The following KDM3A variants were observed in gnomAD, a reference collection of about 807,000 sequenced individuals.
KDM3A encodes lysine-specific demethylase 3A.
A neutral mutation model predicts 158.0 loss-of-function variants in KDM3A; 60 were observed. The ratio of observed to expected loss-of-function variants is 0.38; its 90% CI spans 0.31 to 0.47. The LOEUF (loss-of-function observed/expected upper bound fraction) is 0.47. Among genes scored for constraint, KDM3A ranks in the 20% least tolerant of loss-of-function variants. The probability of loss-of-function intolerance (pLI) is 0.99; values close to 1 mark genes in which losing one functional copy is unlikely to be tolerated. For synonymous variants in KDM3A, 608 were observed against 549.3 expected, an observed-to-expected ratio of 1.11 and a Z score of -1.49; for missense variants, 1,319 against 1,574.3, an observed-to-expected ratio of 0.84 and a Z score of 2.74.
chr2:86,465,459 T>C (rs1673095084), intron 9 of KDM3A, among the ~76,000 whole-genome samples: 2 of 152,070 alleles, frequency 1.3e-5, no homozygotes, highest in Admixed American at 6.6e-5. Flanking sequence ...GCAGTTGCAG[T>C]GGTACAGTCA....
At chr2:86,463,362 G>A (rs1299008386) in intron 8 of KDM3A, among the ~76,000 whole-genome samples, 2 of 152,112 alleles carry the variant, frequency 1.3e-5, no homozygotes, top group African/African-American at 2.4e-5. Context: ...TTTTTATGGT[G>A]GGAAGTTTAT....
chr2:86,489,686 A>G (rs1674360646), intron 23 of KDM3A, 27 bp downstream of exon 23: 1 of 1,593,890 alleles, frequency 6.3e-7, no homozygotes, highest in Admixed American at 1.8e-5. Flanking sequence ...ATGTGTGAAC[A>G]GAGGCATAAG....
At chr2:86,441,742 C>T (rs1286339646) in intron 1 of KDM3A, among the ~76,000 whole-genome samples, 1 of 150,984 alleles carries the variant, frequency 6.6e-6, no homozygotes, top group Non-Finnish European at 1.5e-5. Context: ...CCACTCGAGC[C>T]GCAGATAATT....
chr2:86,464,306 G>GATAAA, intron 9 of KDM3A, 90 bp downstream of exon 9: 4 of 1,013,968 alleles, frequency 3.9e-6, no homozygotes, highest in Non-Finnish European at 4.1e-6. Context: ...GTTGTCCAGG[G>GATAAA]AGGTTTTTCG....
In KDM3A at chr2:86,482,663, A is replaced by G. The variant is rs768948904; in HGVS notation, c.2891A>G (p.Asn964Ser). ...LQDPNNKSNW[N>S]VFRECWKQGQ... ...GACCCCAACAATAAGAGCAACTGGA[A>G]TGTGTTTAGGGAGTGCTGGAAACAA... The change falls in exon 18 of 26, where the codon AAT (asparagine) becomes AGT (serine). Residue 964 changes from asparagine (N) to serine (S), a missense_variant. This residue lies in a region of KDM3A where 368 missense variants were observed against 415.8 expected (regional missense o/e 0.89). Transcript: ENST00000312912. 11 of 1,613,976 alleles carry G rather than the reference A, an allele frequency of 6.8e-6. No homozygotes were observed. Among genetic ancestry groups the G allele is most frequent in the Non-Finnish European group, 9.3e-6 (11 of 1,180,012 alleles).
chr2:86,440,166 G>A (rs1347630801), upstream of KDM3A, among the ~76,000 whole-genome samples: 3 of 132,124 alleles, frequency 2.3e-5, no homozygotes, highest in Non-Finnish European at 3.2e-5. Context: ...ATGGTCTACA[G>A]ATTATAAATC....
chr2:86,461,321 A>G (rs1454808162), intron 8 of KDM3A, among the ~76,000 whole-genome samples: 2 of 152,130 alleles, frequency 1.3e-5, no homozygotes, highest in Non-Finnish European at 2.9e-5. Context: ...CCCTCCTTCC[A>G]ACAAGTATTT....
chr2:86,481,304 T>G (rs529698294), intron 16 of KDM3A, among the ~76,000 whole-genome samples: 5 of 152,238 alleles, frequency 3.3e-5, no homozygotes, highest in South Asian at 2.1e-4. Flanking sequence ...TGGAGTGCAG[T>G]GGCATGATCT....
intron 11 of KDM3A, among the ~76,000 whole-genome samples, chr2:86,471,553 AACTC>A (rs1462332051): frequency 6.6e-6 from 1 of 152,158 alleles, no homozygotes; most frequent in Non-Finnish European, 1.5e-5. Flanking sequence ...AGGTTGGACT[AACTC>A]TAATCATAAA....
intron 5 of KDM3A, among the ~76,000 whole-genome samples, chr2:86,455,439 G>A (rs1672649186): frequency 6.6e-6 from 1 of 151,744 alleles, no homozygotes; most frequent in Non-Finnish European, 1.5e-5. Flanking sequence ...TTTTAGTAGA[G>A]ACAAGATTTC....
intron 11 of KDM3A, 60 bp from the exon 12 acceptor site, chr2:86,474,716 T>C: frequency 1.4e-6 from 1 of 729,388 alleles, no homozygotes; most frequent in Non-Finnish European, 2.4e-6. Context: ...TGTGTGTGTG[T>C]GTGTGTGTGT....
intron 21 of KDM3A, 44 bp downstream of exon 21, chr2:86,485,903 CA>C (rs758172866): frequency 2.6e-5 from 41 of 1,583,658 alleles, no homozygotes; most frequent in Non-Finnish European, 2.9e-5. Context: ...TAAAACAATT[CA>C]AAATGTTTGG....
At position 86,490,805 on chromosome 2, in the gene KDM3A, A is replaced by G. The variant is rs140723408; in HGVS notation, c.3574-76A>G. On this transcript the variant is annotated intron_variant, in intron 23 of 25. Transcript: ENST00000312912. ...GGCCTGACATTTATGAACTGCCAAC[A>G]CTGTTTAGAGGAAAAAAATGGCTTA... 4.7e-4 allele frequency: 529 copies of G among 1,117,818 alleles called. 5 individuals carry two copies. In the African/African-American group the frequency reaches 7.6e-3, roughly 16 times the overall value. The allele number at this position is 1,117,818 out of a possible 1,614,324, so 69.2% of individuals were successfully genotyped here.
rs1393643556 is a variant in KDM3A at position 86,482,621 on chromosome 2, G to A, written c.2849G>A (p.Arg950His). The A allele has an allele frequency of 6.2e-7, 1 of 1,613,824 alleles. No individual in the cohort carries two copies. The highest frequency in any genetic ancestry group is 8.5e-7 in the Non-Finnish European group (1 of 1,179,984). The change falls in exon 18 of 26, where the codon CGC becomes CAC. Residue 950 changes from arginine to histidine, a missense_variant. Around this residue, in one of 4 missense-constraint regions of KDM3A, gnomAD observed 368 missense variants for 415.8 expected, o/e 0.89. Transcript: ENST00000312912. The part of the protein sequence containing the change: ...DTPHYWLCDN[R>H]LLCLQDPNNK... ...CCTCACTATTGGCTTTGTGATAATC[G>A]CTTGCTGTGCTTGCAAGACCCCAAC... is the stretch of plus-strand genomic sequence containing the variant.
Position 86,445,730 on chromosome 2 carries a change from T to C in KDM3A, c.186+3497T>C, listed in dbSNP as rs538933046. ...TAATGTTAGTGCAATCTGCTGCCAGTCAAGCCATGTAAAATGAAAAAACTT... is the reference window on the plus strand; with the variant it reads ...TAATGTTAGTGCAATCTGCTGCCAGCCAAGCCATGTAAAATGAAAAAACTT... On this transcript the variant is annotated intron_variant, in intron 2 of 25. Transcript: ENST00000312912. Among the ~76,000 whole-genome samples the C allele has an allele frequency of 1.1e-3, 164 of 152,320 alleles. 1 individual carries two copies. The highest frequency in any genetic ancestry group is 3.8e-3 in the African/African-American group (156 of 41,572).
intron 11 of KDM3A, among the ~76,000 whole-genome samples, chr2:86,471,283 A>G (rs113822760): frequency 0.15 from 20,185 of 136,100 alleles, 1,469 homozygotes; most frequent in African/African-American, 0.18. Flanking sequence ...ATATGTGTGT[A>G]TATATGTATA....
intron 1 of KDM3A, 109 bp from the exon 2 acceptor site, chr2:86,441,909 G>A: frequency 2.4e-6 from 2 of 821,892 alleles, no homozygotes; most frequent in East Asian, 3.3e-5. Flanking sequence ...TCCGCCCGGG[G>A]CCGCGTCCTC....
In KDM3A at chr2:86,484,198, AAGG is replaced by A. The variant is rs763344913; in HGVS notation, c.3094+44_3094+46del. The stretch of plus-strand genomic sequence containing the variant: ...TCTTTTAAGGGGGTTGGGGATGTGA[AAGG>A]AGGGGACACAGGAATGGCAGGAGTC... On this transcript the variant is annotated intron_variant, in intron 19 of 25. Transcript: ENST00000312912. 20 of 1,564,896 alleles carry A rather than the reference AAGG, an allele frequency of 1.3e-5. No individual in the cohort carries two copies. In the East Asian group the frequency reaches 1.6e-4, roughly 12 times the overall value.
At chr2:86,464,761 G>A (rs1480152697) in intron 9 of KDM3A, among the ~76,000 whole-genome samples, 1 of 152,254 alleles carries the variant, frequency 6.6e-6, no homozygotes, top group Non-Finnish European at 1.5e-5. Context: ...GTAGGTACAA[G>A]GTTGACAGAG....
Sources: allele counts gnomAD v4.1 joint callset (sites outside exome capture counted in the v4.1 genomes callset), GRCh38; gene constraint gnomAD v4.1.1; regional missense constraint gnomAD v4.1.1; transcripts MANE v1.5; gene names NCBI Gene and HGNC (gene_info 2026-07-23, HGNC 2026-07-21).